Variants in PCNX1 observed in about 807,000 individuals in gnomAD.
PCNX1 encodes pecanex 1, also known as pecanex-like protein 1.
PCNX1 carries 78 observed loss-of-function variants against 242.2 expected under a neutral mutation model. The observed-to-expected ratio is 0.32, with a 90% CI of 0.27 to 0.39. PCNX1 has a LOEUF of 0.39. Among genes scored for constraint, PCNX1 ranks in the 10% least tolerant of loss-of-function variants. The pLI is 1.00. For missense variants in PCNX1, 2,581 were observed against 2,856.5 expected (o/e 0.90, Z 2.20); for synonymous variants, 1,024 against 1,032.9 (o/e 0.99, Z 0.17).
chr14:70,995,801 C>T lies in PCNX1; in HGVS notation c.2505C>T (p.Pro835=). 6.2e-7 allele frequency: 1 copy of T among 1,614,104 alleles called. No individual in the cohort carries two copies. The highest frequency in any genetic ancestry group is 8.5e-7 in the Non-Finnish European group (1 of 1,179,990). The change falls in exon 8 of 36, where the codon CCC becomes CCT. Residue 835 remains proline (P), a synonymous_variant. Transcript: ENST00000304743. ...CCCAGGTCAAAGTCCAGTCCCGCCCCCCTTCCCAGGCTGCAGTGCTCAGTG... is the reference window on the plus strand; with the variant it reads ...CCCAGGTCAAAGTCCAGTCCCGCCCTCCTTCCCAGGCTGCAGTGCTCAGTG... The part of the protein sequence containing the change: ...STAQVKVQSR[P]PSQAAVLSAS...
chr14:71,046,006 A>G, intron 20 of PCNX1, among the ~76,000 whole-genome samples: 1 of 152,248 alleles, frequency 6.6e-6, no homozygotes, highest in East Asian at 1.9e-4. Flanking sequence ...ATAATTTATT[A>G]TATACCAATG....
chr14:70,953,336 C>T (rs1175860345), intron 2 of PCNX1, among the ~76,000 whole-genome samples: 1 of 151,968 alleles, frequency 6.6e-6, no homozygotes, highest in East Asian at 1.9e-4. Context: ...TTCAGTTAAG[C>T]TTTCTGATTA....
At chr14:71,101,303 A>G (rs1277117618) in intron 30 of PCNX1, among the ~76,000 whole-genome samples, 1 of 152,208 alleles carries the variant, frequency 6.6e-6, no homozygotes, top group East Asian at 1.9e-4. Flanking sequence ...TGTCCCTGTT[A>G]ATGTGTAGGT....
chr14:71,029,440 C>G (rs2060323331), intron 16 of PCNX1, among the ~76,000 whole-genome samples: 2 of 152,164 alleles, frequency 1.3e-5, no homozygotes, highest in Non-Finnish European at 2.9e-5. Flanking sequence ...CAGATCCTTC[C>G]TTGCCTCATT....
intron 2 of PCNX1, among the ~76,000 whole-genome samples, chr14:70,955,474 A>G (rs2057956989): frequency 6.6e-6 from 1 of 152,238 alleles, no homozygotes; most frequent in African/African-American, 2.4e-5. Flanking sequence ...AGCAATAAAT[A>G]TGATACTAAT....
At position 71,011,515 on chromosome 14, in the gene PCNX1, G is replaced by C. The variant is rs748536023; in HGVS notation, c.2744G>C (p.Ser915Thr). Residue 915 changes from serine (S) to threonine (T), a missense_variant, in exon 10 of 36, where the codon AGT (serine) becomes ACT (threonine). Around this residue, in one of 9 missense-constraint regions of PCNX1, gnomAD observed 1,204 missense variants for 1,216.7 expected, o/e 0.99. Transcript: ENST00000304743. ...AGTGACACAGATTCTCATGTATCCAGTTCTACCTCAGTTCGATTTTATCCA... is the reference window on the plus strand; with the variant it reads ...AGTGACACAGATTCTCATGTATCCACTTCTACCTCAGTTCGATTTTATCCA... ...NICDTDSHVS[S>T]STSVRFYPHD... 1 of 1,575,686 alleles carries C rather than the reference G, an allele frequency of 6.3e-7. No homozygotes were observed. Among genetic ancestry groups the C allele is most frequent in the Non-Finnish European group, 8.7e-7 (1 of 1,147,242 alleles).
In PCNX1 at chr14:71,026,136, C is replaced by T. The variant is rs1389144475; in HGVS notation, c.3203C>T (p.Ala1068Val). 1.3e-6 allele frequency: 2 copies of T among 1,596,732 alleles called. No individual in the cohort carries two copies. Among genetic ancestry groups the T allele is most frequent in the Non-Finnish European group, 1.7e-6 (2 of 1,171,348 alleles). ...SPRHGHNRII[A>V]YSRPVYFCIC... The stretch of plus-strand genomic sequence containing the variant: ...TTTCAGGGTCATAATCGTATCATTG[C>T]CTACAGTAGACCAGTTTATTTCTGC... The change falls in exon 14 of 36, where the codon GCC (alanine) becomes GTC (valine). Residue 1068 changes from alanine to valine, a missense_variant. By Grantham distance (64) the Ala-to-Val change is moderately conservative. Around this residue, in one of 9 missense-constraint regions of PCNX1, gnomAD observed 432 missense variants for 443.1 expected, o/e 0.97. Coordinates refer to ENST00000304743, the MANE Select transcript of PCNX1 (RefSeq NM_014982.3).
rs143042215 is a variant in PCNX1, at chr14:71,048,338, A to G, written c.4338+354A>G. ...GGGCTCTGGCATAGCCCAATGAAGC[A>G]GGTAGAGGCTGAGGAGACTGAGGCT... On this transcript the variant is annotated intron_variant, in intron 22 of 35. Transcript: ENST00000304743. Among the ~76,000 whole-genome samples, 6 of 152,314 alleles carry G rather than the reference A, an allele frequency of 3.9e-5. No homozygotes were observed. In the East Asian group the frequency reaches 1.2e-3, roughly 29 times the overall value.
intron 16 of PCNX1, among the ~76,000 whole-genome samples, chr14:71,032,506 TAC>T (rs2060416765): frequency 6.6e-6 from 1 of 152,208 alleles, no homozygotes; most frequent in Non-Finnish European, 1.5e-5. Context: ...GATGCAGCTC[TAC>T]ACAGTGTTCA....
In PCNX1 at chr14:71,050,770, T is replaced by A; in HGVS notation, c.4447+10T>A. The A allele has an allele frequency of 6.2e-7, 1 of 1,609,864 alleles. No homozygotes were observed. ...CCTTTTGCAGTGCCTCGTATCCTTC[T>A]AATTAAAGTTTTATAAGAATGGACA... is the stretch of plus-strand genomic sequence containing the variant. On this transcript the variant is annotated intron_variant, in intron 23 of 35. Transcript: ENST00000304743.
At position 71,109,056 on chromosome 14, in the gene PCNX1, C is replaced by T. The variant is rs758836581; in HGVS notation, c.6744+10C>T. ...GATTTACAGAGTCCAAGTAAGTAAG[C>T]CCAGAGGTGGTCTTGTGCTGTTTTT... On this transcript the variant is annotated intron_variant, in intron 34 of 35. Transcript: ENST00000304743. 6.3e-7 allele frequency: 1 copy of T among 1,584,040 alleles called. No homozygotes were observed. Among genetic ancestry groups the T allele is most frequent in the Non-Finnish European group, 8.6e-7 (1 of 1,163,356 alleles).
intron 2 of PCNX1, among the ~76,000 whole-genome samples, chr14:70,954,918 T>G (rs2057935153): frequency 2.0e-5 from 3 of 152,214 alleles, no homozygotes; most frequent in Admixed American, 2.0e-4. Flanking sequence ...CTCACACTTG[T>G]GAATCTCATG....
At chr14:70,947,306 T>A (rs917239313) in intron 2 of PCNX1, among the ~76,000 whole-genome samples, 183 bp downstream of exon 2, 2 of 152,180 alleles carry the variant, frequency 1.3e-5, no homozygotes, top group Non-Finnish European at 2.9e-5. Flanking sequence ...CTAACTGGTG[T>A]GTTTGGGGGA....
At chr14:71,023,294 G>T in intron 13 of PCNX1, 62 bp downstream of exon 13, 1 of 1,324,450 alleles carries the variant, frequency 7.6e-7, no homozygotes, top group South Asian at 1.2e-5. Flanking sequence ...AATATTTGTG[G>T]TTTGTTTTTT....
At chr14:71,074,280 T>C (rs528668001) in intron 27 of PCNX1, among the ~76,000 whole-genome samples, 81 of 152,304 alleles carry the variant, frequency 5.3e-4, no homozygotes, top group South Asian at 2.9e-3. Flanking sequence ...ACAAACTGAA[T>C]AAAAGTATTG....
At chr14:70,975,948 T>G (rs969698477) in intron 5 of PCNX1, among the ~76,000 whole-genome samples, 8 of 152,112 alleles carry the variant, frequency 5.3e-5, no homozygotes, top group African/African-American at 1.9e-4. Context: ...AAATGCAGTA[T>G]TTTGCTCTGT....
At chr14:71,010,609 T>G (rs2059796654) in intron 9 of PCNX1, among the ~76,000 whole-genome samples, 2 of 152,052 alleles carry the variant, frequency 1.3e-5, no homozygotes, top group South Asian at 2.1e-4. Context: ...TTTTAGAAGG[T>G]GTTAACATTT....
chr14:71,011,560 CT>C lies in PCNX1; in HGVS notation c.2778+14del. On this transcript the variant is annotated intron_variant, in intron 10 of 35. Transcript: ENST00000304743. The stretch of plus-strand genomic sequence containing the variant: ...TATCCACATGATGTGGTAGGTTTTT[CT>C]TTATTTTTACAACATGATAAATTTT... 1 of 1,439,138 alleles carries C rather than the reference CT, an allele frequency of 6.9e-7. No homozygotes were observed. Among genetic ancestry groups the C allele is most frequent in the Non-Finnish European group, 9.7e-7 (1 of 1,025,712 alleles). The allele number at this position is 1,439,138 out of a possible 1,614,324, so 89.1% of individuals were successfully genotyped here.
At chr14:71,061,780 A>G (rs1242251549) in intron 26 of PCNX1, among the ~76,000 whole-genome samples, 1 of 152,220 alleles carries the variant, frequency 6.6e-6, no homozygotes, top group Non-Finnish European at 1.5e-5. Context: ...ATGGCAAGCA[A>G]CTTTAACCAT....
Sources: allele counts gnomAD v4.1 joint callset (sites outside exome capture counted in the v4.1 genomes callset), GRCh38; gene constraint gnomAD v4.1.1; regional missense constraint gnomAD v4.1.1; transcripts MANE v1.5; gene names NCBI Gene and HGNC (gene_info 2026-07-23, HGNC 2026-07-21).